Variants in NAV2 observed in about 807,000 individuals in gnomAD.
NAV2 encodes neuron navigator 2.
A neutral mutation model predicts 223.2 loss-of-function variants in NAV2; 54 were observed. The observed-to-expected ratio is 0.24, with a 90% CI of 0.19 to 0.30. NAV2 has a LOEUF of 0.30. NAV2 is among the 10% of genes least tolerant of loss of function. The pLI is 1.00. For synonymous variants in NAV2, 1,279 were observed against 1,239.3 expected, an observed-to-expected ratio of 1.03 and a Z score of -0.67; for missense variants, 2,806 against 3,147.5, an observed-to-expected ratio of 0.89 and a Z score of 2.60.
intron 1 of NAV2, among the ~76,000 whole-genome samples, chr11:19,676,522 C>T (rs1328467028): frequency 6.6e-6 from 1 of 152,182 alleles, no homozygotes. Context: ...TGTGGCATTA[C>T]GCTCAAGGAA....
chr11:20,094,169 G>C (rs999249816), intron 29 of NAV2, among the ~76,000 whole-genome samples: 2 of 150,844 alleles, frequency 1.3e-5, no homozygotes, highest in Admixed American at 1.3e-4. Context: ...TCAAAACATA[G>C]CTAGTAAAGT....
intron 1 of NAV2, among the ~76,000 whole-genome samples, chr11:19,780,915 A>T (rs1253819112): frequency 2.6e-5 from 4 of 152,192 alleles, no homozygotes; most frequent in Admixed American, 6.5e-5. Flanking sequence ...TTTTTGGTCT[A>T]TACTTTTCCT....
chr11:19,735,981 A>T (rs1222058154), intron 1 of NAV2, among the ~76,000 whole-genome samples: 1 of 152,212 alleles, frequency 6.6e-6, no homozygotes, highest in Non-Finnish European at 1.5e-5. Context: ...CTGACCTGCC[A>T]GCACCTGCCT....
intron 1 of NAV2, among the ~76,000 whole-genome samples, chr11:19,571,731 G>T (rs1244442359): frequency 1.3e-5 from 2 of 151,750 alleles, no homozygotes; most frequent in African/African-American, 2.4e-5. Context: ...AAAAAGAAAA[G>T]TTTAATTTTA....
At chr11:19,851,546 G>C (rs941003515) in intron 3 of NAV2, among the ~76,000 whole-genome samples, 1 of 152,166 alleles carries the variant, frequency 6.6e-6, no homozygotes, top group African/African-American at 2.4e-5. Context: ...AAAGGATAAT[G>C]ATGGAAGCTA....
At chr11:19,920,891 C>T (rs1461655282) in intron 6 of NAV2, among the ~76,000 whole-genome samples, 2 of 152,172 alleles carry the variant, frequency 1.3e-5, no homozygotes, top group African/African-American at 2.4e-5. Flanking sequence ...TAGGATTCCT[C>T]TAAATGGGTG....
chr11:19,576,739 T>C (rs1162191170), intron 1 of NAV2, among the ~76,000 whole-genome samples: 1 of 152,166 alleles, frequency 6.6e-6, no homozygotes, highest in African/African-American at 2.4e-5. Context: ...CATATATCTG[T>C]TTCCCTCCCT....
chr11:20,096,899 A>G (rs2061312878), intron 30 of NAV2, among the ~76,000 whole-genome samples: 1 of 152,220 alleles, frequency 6.6e-6, no homozygotes, highest in African/African-American at 2.4e-5. Flanking sequence ...TTGGATTAGA[A>G]TAACAGTTTG....
At chr11:19,877,470 C>CTTTTT (rs1289323253) in intron 4 of NAV2, among the ~76,000 whole-genome samples, 4 of 82,616 alleles carry the variant, frequency 4.8e-5, no homozygotes, top group Non-Finnish European at 8.8e-5. Context: ...TATCTTCATT[C>CTTTTT]TTTTTTTTTT....
intron 1 of NAV2, among the ~76,000 whole-genome samples, chr11:19,683,978 C>A (rs1032125647): frequency 1.3e-5 from 2 of 152,240 alleles, no homozygotes; most frequent in Admixed American, 1.3e-4. Context: ...TTAGATGTAG[C>A]ATTTTTTAAT....
At chr11:19,348,239 C>T (rs571807629), upstream of NAV2, among the ~76,000 whole-genome samples, 6 of 152,296 alleles carry the variant, frequency 3.9e-5, no homozygotes, top group African/African-American at 1.4e-4. Flanking sequence ...GAGCTGTTCT[C>T]AGATACAGAG....
chr11:19,897,489 C>T (rs1421826419), intron 6 of NAV2, among the ~76,000 whole-genome samples: 1 of 151,954 alleles, frequency 6.6e-6, no homozygotes, highest in African/African-American at 2.4e-5. Context: ...AATCATGCCC[C>T]CTCCTACCAT....
intron 1 of NAV2, among the ~76,000 whole-genome samples, chr11:19,576,400 ATTTG>A (rs1334421136): frequency 6.6e-6 from 1 of 152,150 alleles, no homozygotes; most frequent in East Asian, 1.9e-4. Context: ...CTCATGTTTC[ATTTG>A]TTTGTTTTTC....
chr11:19,553,231 GC>G (rs2044746240), intron 1 of NAV2, among the ~76,000 whole-genome samples: 1 of 152,148 alleles, frequency 6.6e-6, no homozygotes, highest in Admixed American at 6.5e-5. Flanking sequence ...TGTCTAGAAA[GC>G]CCCAAAATTC....
intron 1 of NAV2, among the ~76,000 whole-genome samples, chr11:19,374,309 G>GTT (rs10533713): frequency 1.2e-4 from 15 of 124,562 alleles, no homozygotes; most frequent in African/African-American, 3.2e-4. Flanking sequence ...TTCCGAAAAG[G>GTT]TTTTTTTTTT....
chr11:19,870,270 G>A (rs1168160615), intron 4 of NAV2, among the ~76,000 whole-genome samples: 1 of 152,120 alleles, frequency 6.6e-6, no homozygotes, highest in African/African-American at 2.4e-5. Flanking sequence ...GGGGTTTGCT[G>A]GGAGTAGGAA....
upstream of NAV2, among the ~76,000 whole-genome samples, chr11:19,348,717 G>C (rs936768837): frequency 6.6e-6 from 1 of 152,190 alleles, no homozygotes; most frequent in Non-Finnish European, 1.5e-5. Flanking sequence ...CACCTATTCT[G>C]TGTTAATAGG....
Position 19,793,780 on chromosome 11 carries a change from C to A in NAV2, c.268-38704C>A, listed in dbSNP as rs188004917. On this transcript the variant is annotated intron_variant, in intron 1 of 37. Coordinates refer to ENST00000349880, the MANE Select transcript of NAV2 (RefSeq NM_145117.5). ...AGTGCCCTGTATCATCTGGCCGCTG[C>A]CTTCCTCCTGATATCATCTCAAGTT... is the stretch of plus-strand genomic sequence containing the variant. Among the ~76,000 whole-genome samples, 82 of 152,368 alleles carry A rather than the reference C, an allele frequency of 5.4e-4. 2 individuals carry two copies. In the East Asian group the frequency reaches 0.015, roughly 28 times the overall value.
intron 11 of NAV2, among the ~76,000 whole-genome samples, chr11:20,008,609 C>T (rs764637669): frequency 5.3e-5 from 8 of 152,192 alleles, no homozygotes; most frequent in Non-Finnish European, 1.0e-4. Context: ...GTCCAGGCAA[C>T]AGCCAACAGA....
Sources: allele counts gnomAD v4.1 joint callset (sites outside exome capture counted in the v4.1 genomes callset), GRCh38; gene constraint gnomAD v4.1.1; transcripts MANE v1.5; gene names NCBI Gene and HGNC (gene_info 2026-07-23, HGNC 2026-07-21).